ZBTB25: variants seen among roughly 807,000 people sequenced by gnomAD.
ZBTB25 encodes the protein zinc finger and BTB domain-containing protein 25.
Under a neutral mutation model 34.2 loss-of-function variants are expected in ZBTB25, and 20 were observed. The ratio of observed to expected loss-of-function variants is 0.58; its 90% CI spans 0.41 to 0.85. The LOEUF (loss-of-function observed/expected upper bound fraction) is 0.85. Ranked by LOEUF, ZBTB25 falls within the 40% of genes least tolerant of loss-of-function variation. ZBTB25 has a pLI of 0.00. For synonymous variants in ZBTB25, 175 were observed against 186.4 expected (o/e 0.94, Z 0.50); for missense variants, 437 against 521.8 (o/e 0.84, Z 1.58).
downstream of ZBTB25, among the ~76,000 whole-genome samples, chr14:64,475,164 G>A (rs371004192): frequency 1.1e-4 from 17 of 152,312 alleles, no homozygotes; most frequent in South Asian, 3.5e-3. Flanking sequence ...TTATGGCCGG[G>A]CGCGGTGGCT....
At chr14:64,499,719 C>T (rs1378517398) in intron 1 of ZBTB25, among the ~76,000 whole-genome samples, 1 of 152,188 alleles carries the variant, frequency 6.6e-6, no homozygotes, top group Admixed American at 6.5e-5. Context: ...CTCCATTACA[C>T]CTAGATTGGA....
intron 1 of ZBTB25, among the ~76,000 whole-genome samples, chr14:64,500,801 A>G (rs1206660473): frequency 2.0e-5 from 3 of 152,224 alleles, no homozygotes; most frequent in Non-Finnish European, 4.4e-5. Context: ...CTATAATCCC[A>G]GCACTTTGGG....
intron 2 of ZBTB25, among the ~76,000 whole-genome samples, chr14:64,464,457 T>C (rs2078589215): frequency 6.6e-6 from 1 of 152,162 alleles, no homozygotes; most frequent in Non-Finnish European, 1.5e-5. Context: ...GTCTCAAGAG[T>C]TCTTTCCTTG....
intron 2 of ZBTB25, chr14:64,453,711 A>G (rs1596565025): frequency 2.5e-6 from 3 of 1,180,290 alleles, no homozygotes; most frequent in South Asian, 1.2e-5. Context: ...ATGTCCTCAC[A>G]TGTGTCCAGT....
In ZBTB25 at chr14:64,481,954, G is replaced by A. The variant is rs2078799996; in HGVS notation, c.*4969C>T. The stretch of plus-strand genomic sequence containing the variant: ...TTTTACATCAATTACTACAAAAAAT[G>A]GACATTTATCAAGTATCTGACTCAC... On this transcript the variant is annotated 3_prime_UTR_variant, in exon 3 of 3. Transcript: ENST00000608382. 1 of 151,980 alleles carries A rather than the reference G, an allele frequency of 6.6e-6. No individual in the cohort carries two copies. The highest frequency in any genetic ancestry group is 1.9e-4 in the East Asian group (1 of 5,202). 9.4% of individuals were successfully genotyped at this position (151,980 alleles called of 1,614,324 possible).
rs2078737548 is a variant in ZBTB25 at position 64,478,207 on chromosome 14, G to A, written c.*8716C>T. On this transcript the variant is annotated 3_prime_UTR_variant, in exon 3 of 3. Coordinates refer to ENST00000608382, the MANE Select transcript of ZBTB25 (RefSeq NM_006977.5). The stretch of plus-strand genomic sequence containing the variant: ...TAAAATAAACTTAGGAGAAGCAACT[G>A]GTGATTAGGTACAAAGTCCTAGGAT... The A allele has an allele frequency of 6.6e-6, 1 of 152,186 alleles. No individual in the cohort carries two copies. The highest frequency in any genetic ancestry group is 1.5e-5 in the Non-Finnish European group (1 of 68,032). The allele number at this position is 152,186 out of a possible 1,614,324, so 9.4% of individuals were successfully genotyped here. A position where few individuals can be genotyped will look rare whatever the true frequency, so the allele number is the denominator to read the frequency against.
chr14:64,449,208 A>G lies in ZBTB25; in HGVS notation c.*343T>C, dbSNP rs570442423. The G allele has an allele frequency of 3.5e-5, 20 of 578,586 alleles. No homozygotes were observed. The East Asian group carries it at 5.5e-4, about 16-fold the overall frequency. 35.8% of individuals were successfully genotyped at this position (578,586 alleles called of 1,614,324 possible). ...GAGTCTCATAACGTCCCAATGAAAT[A>G]AGTGCTGTGATTATTCGCGTATTAC... On this transcript the variant is annotated 3_prime_UTR_variant, in exon 3 of 3. Transcript: ENST00000555220.
chr14:64,488,150 C>T, intron 2 of ZBTB25, 93 bp from the exon 3 acceptor site: 1 of 1,496,020 alleles, frequency 6.7e-7, no homozygotes, highest in South Asian at 1.4e-5. Context: ...GCAATTTCTT[C>T]CTAAGAAGTT....
At chr14:64,475,428 G>C (rs896908466), downstream of ZBTB25, among the ~76,000 whole-genome samples, 2 of 150,362 alleles carry the variant, frequency 1.3e-5, no homozygotes, top group African/African-American at 4.9e-5. Flanking sequence ...GACAAAGCGA[G>C]ACTCTGTCTC....
intron 2 of ZBTB25, among the ~76,000 whole-genome samples, chr14:64,465,219 G>A (rs951318604): frequency 4.8e-5 from 7 of 145,068 alleles, no homozygotes; most frequent in Admixed American, 6.8e-5. Context: ...GGTCCCCCCC[G>A]CCTTCCCCCG....
chr14:64,504,652 G>C (rs1022064908), upstream of ZBTB25: 2 of 340,098 alleles, frequency 5.9e-6, no homozygotes, highest in African/African-American at 4.3e-5. Flanking sequence ...CGGGCGAGAG[G>C]GAGGGGAAGG....
In ZBTB25 at chr14:64,453,655, C is replaced by T. The variant is rs1345067781; in HGVS notation, c.174-4017G>A. On this transcript the variant is annotated intron_variant, in intron 2 of 2. Transcript: ENST00000555220. The stretch of plus-strand genomic sequence containing the variant: ...ATATGTATATAAAAACCATCTTCTG[C>T]CCCTTTTAGGGACTCTGACCTAGAA... 4.3e-5 allele frequency: 32 copies of T among 737,240 alleles called. 1 individual carries two copies. The highest frequency in any genetic ancestry group is 2.5e-6 in the Non-Finnish European group (1 of 402,842). The allele number at this position is 737,240 out of a possible 1,614,324, so 45.7% of individuals were successfully genotyped here. A position where few individuals can be genotyped will look rare whatever the true frequency, so the allele number is the denominator to read the frequency against.
intron 2 of ZBTB25, among the ~76,000 whole-genome samples, chr14:64,457,459 CT>C (rs35789478): frequency 1.6e-3 from 226 of 143,036 alleles, no homozygotes; most frequent in Non-Finnish European, 1.5e-3. Flanking sequence ...TTTTCTTTTC[CT>C]TTTTTTTTTT....
upstream of ZBTB25, chr14:64,503,854 G>GGTGTGCGT (rs1313817173): frequency 6.5e-6 from 1 of 153,434 alleles, no homozygotes; most frequent in Non-Finnish European, 1.4e-5. Context: ...CCAGGGCCGG[G>GGTGTGCGT]GTGTGCGTGC....
chr14:64,454,680 T>TC, intron 2 of ZBTB25: 1 of 1,561,940 alleles, frequency 6.4e-7, no homozygotes, highest in Non-Finnish European at 8.8e-7. Context: ...TGCTGGGTTG[T>TC]CATCTTTTCA....
Position 64,487,518 on chromosome 14 carries a change from T to C in ZBTB25, c.713A>G (p.His238Arg). The C allele has an allele frequency of 3.1e-6, 5 of 1,613,466 alleles. No individual in the cohort carries two copies. Among genetic ancestry groups the C allele is most frequent in the Middle Eastern group, 3.3e-4 (2 of 6,060 alleles). Residue 238 changes from histidine to arginine, a missense_variant, in exon 3 of 3, where the codon CAC becomes CGC. His to Arg is a conservative substitution (Grantham distance 29, BLOSUM62 0). Transcript: ENST00000608382. ...ACGTTCCCCACAGTAATGGCATAAG[T>C]GTATTTTGACACTGTTTTCAGTAAA... Reference protein sequence around the residue: ...PTFTENSVKIHLCHYCGERFD... With the variant: ...PTFTENSVKIRLCHYCGERFD...
intron 1 of ZBTB25, among the ~76,000 whole-genome samples, chr14:64,497,324 T>C (rs2141050136): frequency 6.6e-6 from 1 of 152,364 alleles, no homozygotes; most frequent in South Asian, 2.1e-4. Context: ...CTGCAAATTA[T>C]TAGCTAGACT....
Position 64,484,486 on chromosome 14 carries a change from A to G in ZBTB25, c.*2437T>C, listed in dbSNP as rs1282947584. The G allele has an allele frequency of 6.6e-6, 1 of 152,360 alleles. No homozygotes were observed. Among genetic ancestry groups the G allele is most frequent in the African/African-American group, 2.4e-5 (1 of 41,468 alleles). 9.4% of individuals were successfully genotyped at this position (152,360 alleles called of 1,614,324 possible). Reference sequence around the variant, plus strand: ...GACCTGAGGTCAGGAGTTCCAGACCAGCCTGACCAAGATGGTGAAACCCTG... The same window carrying G: ...GACCTGAGGTCAGGAGTTCCAGACCGGCCTGACCAAGATGGTGAAACCCTG... On this transcript the variant is annotated 3_prime_UTR_variant, in exon 3 of 3. Coordinates refer to ENST00000608382, the MANE Select transcript of ZBTB25 (RefSeq NM_006977.5).
chr14:64,454,771 T>A (rs375143649), intron 2 of ZBTB25: 1 of 1,614,088 alleles, frequency 6.2e-7, no homozygotes, highest in Middle Eastern at 1.7e-4. Flanking sequence ...CTTGTCTTTG[T>A]CTCACAACCC....
Sources: gnomAD v4.1 joint callset for allele counts (sites outside exome capture counted in the v4.1 genomes callset) on GRCh38, gnomAD v4.1.1 for gene constraint, MANE v1.5 for transcripts, NCBI Gene and HGNC (gene_info 2026-07-23, HGNC 2026-07-21) for gene names.